The following ABCA12 variants were observed in gnomAD, a reference collection of about 807,000 sequenced individuals.
The protein encoded by ABCA12 is glucosylceramide transporter ABCA12.
In ABCA12, 156 loss-of-function variants were observed where a neutral mutation model predicts 293.5. That is an observed-to-expected ratio of 0.53 (90% CI 0.47 to 0.61). ABCA12 has a LOEUF of 0.61. Among genes scored for constraint, ABCA12 ranks in the 20% least tolerant of loss-of-function variants. ABCA12 has a pLI of 0.00. For missense variants in ABCA12, 2,797 were observed against 3,090.2 expected (o/e 0.91, Z 2.25); for synonymous variants, 1,063 against 1,108.0 (o/e 0.96, Z 0.81).
chr2:215,116,507 T>C (rs887622293), intron 1 of ABCA12, among the ~76,000 whole-genome samples: 1 of 152,200 alleles, frequency 6.6e-6, no homozygotes, highest in African/African-American at 2.4e-5. Flanking sequence ...CAATGAATGA[T>C]GAGGACACAT....
At position 215,004,273 on chromosome 2, in the gene ABCA12, T is replaced by C; in HGVS notation, c.2619A>G (p.Gln873=). The change falls in exon 20 of 53, where the codon CAA becomes CAG. Residue 873 remains glutamine (Q), a synonymous_variant. Coordinates refer to ENST00000272895, the MANE Select transcript of ABCA12 (RefSeq NM_173076.3). ...GTCCCACGGAGAACTTTACAAAAAC[T>C]TGCACAAAAGGGTTCCTTAGAGTAT... The part of the protein sequence containing the change: ...LQNTLRNPFV[Q]VFVKFSVGLD... 6.2e-7 allele frequency: 1 copy of C among 1,613,662 alleles called. No individual in the cohort carries two copies. The highest frequency in any genetic ancestry group is 8.5e-7 in the Non-Finnish European group (1 of 1,179,892).
At chr2:214,986,209 A>T (rs1445326323) in intron 28 of ABCA12, among the ~76,000 whole-genome samples, 1 of 152,182 alleles carries the variant, frequency 6.6e-6, no homozygotes, top group Non-Finnish European at 1.5e-5. Flanking sequence ...ACTCCCTTTA[A>T]GAGATCAGTT....
Position 215,021,247 on chromosome 2 carries a change from C to T in ABCA12, c.1288-1451G>A, listed in dbSNP as rs139910691. Among the ~76,000 whole-genome samples, 365 of 152,216 alleles carry T rather than the reference C, an allele frequency of 2.4e-3. 2 individuals carry two copies. The highest frequency in any genetic ancestry group is 7.8e-3 in the African/African-American group (323 of 41,532). On this transcript the variant is annotated intron_variant, in intron 11 of 52. Transcript: ENST00000272895. ...AATAAGACTGTATTTAAACTATGGA[C>T]GAGAAGACGCCTGATTTTTTGGAAG...
chr2:215,033,865 C>G (rs539843418), intron 8 of ABCA12, among the ~76,000 whole-genome samples: 2 of 151,828 alleles, frequency 1.3e-5, no homozygotes, highest in Non-Finnish European at 2.9e-5. Context: ...GGCGTGAACC[C>G]GGGAGGTGGA....
chr2:214,975,067 C>T (rs954601899), intron 34 of ABCA12, among the ~76,000 whole-genome samples: 17 of 152,148 alleles, frequency 1.1e-4, no homozygotes, highest in South Asian at 2.1e-4. Context: ...CGGGTTCAAG[C>T]GATGCTTATA....
chr2:215,004,103 C>A lies in ABCA12; in HGVS notation c.2683+106G>T, dbSNP rs1348748216. The A allele has an allele frequency of 6.3e-6, 6 of 954,990 alleles. No individual in the cohort carries two copies. In the East Asian group the frequency reaches 1.6e-4, roughly 25 times the overall value. The allele number at this position is 954,990 out of a possible 1,614,324, so 59.2% of individuals were successfully genotyped here. On this transcript the variant is annotated intron_variant, in intron 20 of 52. Coordinates refer to ENST00000272895, the MANE Select transcript of ABCA12 (RefSeq NM_173076.3). The stretch of plus-strand genomic sequence containing the variant: ...TCATTTTTCTTTGAGTAGCTAGCTA[C>A]AAACTAAGTACAGGAGAAAAGGGGG...
intron 30 of ABCA12, 45 bp downstream of exon 30, chr2:214,982,142 G>T: frequency 6.2e-7 from 1 of 1,600,994 alleles, no homozygotes; most frequent in Non-Finnish European, 8.6e-7. Context: ...CCAGAGGGCA[G>T]AAGTATGACT....
chr2:215,030,370 G>C (rs1156630312), intron 9 of ABCA12: 1 of 151,146 alleles, frequency 6.6e-6, no homozygotes, highest in African/African-American at 2.4e-5. Flanking sequence ...CGAGGCGGGC[G>C]AATCACGAGG....
intron 31 of ABCA12, among the ~76,000 whole-genome samples, chr2:214,979,613 C>T (rs1000161150): frequency 1.4e-4 from 21 of 151,912 alleles, no homozygotes; most frequent in Non-Finnish European, 1.8e-4. Flanking sequence ...ACTTATTGAT[C>T]GTATCATCTG....
intron 7 of ABCA12, among the ~76,000 whole-genome samples, chr2:215,038,694 C>T (rs895120972): frequency 6.6e-6 from 1 of 152,200 alleles, no homozygotes; most frequent in African/African-American, 2.4e-5. Flanking sequence ...TCTTGGTCGG[C>T]CTTCAAGCCT....
At chr2:215,080,717 G>A (rs1701920327) in intron 2 of ABCA12, 1 of 153,086 alleles carries the variant, frequency 6.5e-6, no homozygotes, top group Non-Finnish European at 1.5e-5. Flanking sequence ...ATATGCCGGA[G>A]GCAGCCCAGT....
At chr2:214,999,058 T>C (rs1700090816) in intron 22 of ABCA12, among the ~76,000 whole-genome samples, 1 of 152,202 alleles carries the variant, frequency 6.6e-6, no homozygotes, top group African/African-American at 2.4e-5. Context: ...TGTGTCATTA[T>C]CAGAGAGATG....
Position 215,025,757 on chromosome 2 carries a change from G to A in ABCA12, c.1203C>T (p.Ser401=), listed in dbSNP as rs778061933. 5.6e-6 allele frequency: 9 copies of A among 1,611,570 alleles called. No individual in the cohort carries two copies. In the East Asian group the frequency reaches 2.0e-4, roughly 36 times the overall value. Residue 401 remains serine (S), a synonymous_variant, in exon 11 of 53, where the codon TCC becomes TCT. Transcript: ENST00000272895. ...GAAAAGATTTTTTAAATCGTATTGT[G>A]GACTGCAGGAGTCTTAGATTTTCTG... The part of the protein sequence containing the change: ...GSPENLRLLQ[S]TIRFKKSFLR...
Position 215,020,435 on chromosome 2 carries a change from G to A in ABCA12, c.1288-639C>T, listed in dbSNP as rs563852020. 2.3e-4 allele frequency among the ~76,000 whole-genome samples: 35 copies of A among 152,232 alleles called. No homozygotes were observed. In the South Asian group the frequency reaches 6.6e-3, roughly 29 times the overall value. On this transcript the variant is annotated intron_variant, in intron 11 of 52. Coordinates refer to ENST00000272895, the MANE Select transcript of ABCA12 (RefSeq NM_173076.3). ...CAGTCTCGAAAATGAAAGGTGAATG[G>A]TCTAATACTATATGATTCCACTTAT...
chr2:215,011,725 C>T, intron 16 of ABCA12, 76 bp from the exon 17 acceptor site: 2 of 1,347,188 alleles, frequency 1.5e-6, no homozygotes, highest in Non-Finnish European at 1.1e-6. Context: ...AGAAAGAGAA[C>T]CTGATAATAC....
chr2:215,019,612 T>C lies in ABCA12; in HGVS notation c.1472A>G (p.Asp491Gly). 1 of 1,614,230 alleles carries C rather than the reference T, an allele frequency of 6.2e-7. No homozygotes were observed. Among genetic ancestry groups the C allele is most frequent in the Non-Finnish European group, 8.5e-7 (1 of 1,180,046 alleles). The change falls in exon 12 of 53, where the codon GAC (aspartate) becomes GGC (glycine). Residue 491 changes from aspartate to glycine, a missense_variant. Physicochemically the swap from Asp to Gly is moderately conservative, Grantham distance 94. Transcript: ENST00000272895. ...TEIAASLLYH[D>G]NVISKKVRDL... ...TCTCACTTTTTTAGATATGACATTGTCATGGTACAGTAAGCTGGCTGCTAT... is the reference window on the plus strand; with the variant it reads ...TCTCACTTTTTTAGATATGACATTGCCATGGTACAGTAAGCTGGCTGCTAT...
intron 9 of ABCA12, among the ~76,000 whole-genome samples, chr2:215,030,740 G>A (rs1191217862): frequency 6.6e-6 from 1 of 152,204 alleles, no homozygotes; most frequent in African/African-American, 2.4e-5. Flanking sequence ...AGCAGAAAGA[G>A]GAGGTAGTTG....
Position 215,095,098 on chromosome 2 carries a change from G to A in ABCA12, c.163+16499C>T, listed in dbSNP as rs1456953047. On this transcript the variant is annotated intron_variant, in intron 2 of 52. Coordinates refer to ENST00000272895, the MANE Select transcript of ABCA12 (RefSeq NM_173076.3). ...CTACTATTTTGTTTTGTTTTGTTTT[G>A]TTTATTATGAATACAAGACGACAGG... is the stretch of plus-strand genomic sequence containing the variant. Among the ~76,000 whole-genome samples the A allele has an allele frequency of 7.4e-4, 112 of 151,704 alleles. 1 individual carries two copies. Among genetic ancestry groups the A allele is most frequent in the Admixed American group, 7.4e-3 (112 of 15,236 alleles).
intron 14 of ABCA12, among the ~76,000 whole-genome samples, chr2:215,016,888 G>T (rs1700517624): frequency 6.6e-6 from 1 of 151,934 alleles, no homozygotes; most frequent in South Asian, 2.1e-4. Flanking sequence ...AAGGCCACAG[G>T]AACTTTTCAC....
Sources: allele counts gnomAD v4.1 joint callset (sites outside exome capture counted in the v4.1 genomes callset), GRCh38; gene constraint gnomAD v4.1.1; transcripts MANE v1.5; gene names NCBI Gene and HGNC (gene_info 2026-07-23, HGNC 2026-07-21).